The following MYO10 variants were observed in gnomAD, a reference collection of about 807,000 sequenced individuals.
MYO10 encodes myosin X.
In MYO10, 133 loss-of-function variants were observed where a neutral mutation model predicts 257.3. The observed-to-expected ratio is 0.52, with a 90% confidence interval of 0.45 to 0.60. The LOEUF (loss-of-function observed/expected upper bound fraction) is 0.60. MYO10 is among the 20% of genes least tolerant of loss of function. The pLI is 0.00. For missense variants in MYO10, 2,399 were observed against 2,635.7 expected (o/e 0.91, Z 1.97); for synonymous variants, 1,104 against 1,028.6 (o/e 1.07, Z -1.40).
chr5:16,864,416 ACAT>A (rs1355230722), intron 2 of MYO10, among the ~76,000 whole-genome samples: 7 of 152,126 alleles, frequency 4.6e-5, no homozygotes, highest in African/African-American at 1.7e-4. Context: ...TAACACACAC[ACAT>A]GATACAGGTG....
intron 2 of MYO10, among the ~76,000 whole-genome samples, chr5:16,857,680 G>A (rs1179673068): frequency 6.6e-6 from 1 of 152,196 alleles, no homozygotes; most frequent in Admixed American, 6.5e-5. Flanking sequence ...TGCCCCACAG[G>A]TAGCAAGAAA....
chr5:16,837,193 C>T (rs1428555706), intron 2 of MYO10, among the ~76,000 whole-genome samples: 1 of 151,964 alleles, frequency 6.6e-6, no homozygotes, highest in African/African-American at 2.4e-5. Flanking sequence ...GCCTGTAATC[C>T]CAGCTACTTG....
chr5:16,855,329 C>T (rs1351532858), intron 2 of MYO10, among the ~76,000 whole-genome samples: 1 of 152,128 alleles, frequency 6.6e-6, no homozygotes, highest in Non-Finnish European at 1.5e-5. Context: ...ATCCAAAATT[C>T]AGGGAGTGGA....
intron 39 of MYO10, among the ~76,000 whole-genome samples, 194 bp downstream of exon 39, chr5:16,670,332 G>C (rs1158877440): frequency 2.6e-5 from 4 of 152,102 alleles, no homozygotes; most frequent in Non-Finnish European, 4.4e-5. Flanking sequence ...TATTACAGAT[G>C]TGTTTACTAC....
At chr5:16,858,426 T>C (rs1744023239) in intron 2 of MYO10, among the ~76,000 whole-genome samples, 1 of 140,482 alleles carries the variant, frequency 7.1e-6, no homozygotes, top group Admixed American at 7.1e-5. Flanking sequence ...TCAAAAAAGC[T>C]AGATGCTACT....
rs66785094 is a variant in MYO10, at chr5:16,663,552, CTT to C, written c.*3138_*3139del. On this transcript the variant is annotated 3_prime_UTR_variant, in exon 41 of 41. Coordinates refer to ENST00000513610, the MANE Select transcript of MYO10 (RefSeq NM_012334.3). ...CACAGATAGAAAATATTTGAAAAAACTTTTTTTGGTGGGGCACAGTGGCTCAC... is the reference window on the plus strand; with the variant it reads ...CACAGATAGAAAATATTTGAAAAAACTTTTTGGTGGGGCACAGTGGCTCAC... The C allele has an allele frequency of 4.6e-5, 7 of 151,166 alleles. No homozygotes were observed. Among genetic ancestry groups the C allele is most frequent in the Admixed American group, 4.0e-4 (6 of 15,184 alleles). The allele number at this position is 151,166 out of a possible 1,614,324, so 9.4% of individuals were successfully genotyped here.
At chr5:16,712,082 G>GT (rs1474952422) in intron 19 of MYO10, among the ~76,000 whole-genome samples, 1 of 144,980 alleles carries the variant, frequency 6.9e-6, no homozygotes, top group African/African-American at 2.6e-5. Flanking sequence ...TTGGTGATGG[G>GT]TGGATACCCA....
chr5:16,906,605 A>G (rs1745525983), intron 1 of MYO10, among the ~76,000 whole-genome samples: 1 of 152,192 alleles, frequency 6.6e-6, no homozygotes, highest in Non-Finnish European at 1.5e-5. Flanking sequence ...AGAAGCCAGC[A>G]TGGCCAAAAC....
intron 19 of MYO10, among the ~76,000 whole-genome samples, chr5:16,748,103 T>G (rs1029159901): frequency 2.6e-5 from 4 of 152,294 alleles, no homozygotes; most frequent in African/African-American, 9.6e-5. Context: ...CAGGTCTCAC[T>G]GTGTTGCACA....
intron 2 of MYO10, among the ~76,000 whole-genome samples, chr5:16,865,533 A>T (rs1744219692): frequency 6.6e-6 from 1 of 152,180 alleles, no homozygotes; most frequent in African/African-American, 2.4e-5. Flanking sequence ...AAAGCAGTTT[A>T]AAAATAAATT....
intron 28 of MYO10, among the ~76,000 whole-genome samples, chr5:16,686,806 C>T (rs58619409): frequency 0.29 from 43,641 of 152,030 alleles, 6,443 homozygotes; most frequent in South Asian, 0.37. Context: ...GGATTACAGG[C>T]ATGAGCCATT....
chr5:16,743,138 A>G (rs1740072303), intron 19 of MYO10, among the ~76,000 whole-genome samples: 1 of 152,160 alleles, frequency 6.6e-6, no homozygotes, highest in South Asian at 2.1e-4. Context: ...AACACCAGGA[A>G]GGATTATGGA....
chr5:16,781,932 C>T (rs922126535), intron 5 of MYO10, 103 bp from the exon 6 acceptor site: 7 of 1,416,004 alleles, frequency 4.9e-6, no homozygotes, highest in African/African-American at 4.3e-5. Flanking sequence ...CAAGAAAAAT[C>T]TGAAACCAAA....
At chr5:16,822,469 CTA>C (rs958777013) in intron 2 of MYO10, among the ~76,000 whole-genome samples, 2 of 151,992 alleles carry the variant, frequency 1.3e-5, no homozygotes, top group African/African-American at 2.4e-5. Context: ...GTGATGGAGT[CTA>C]TGAAACGTAA....
At chr5:16,912,280 T>G (rs1745679422) in intron 1 of MYO10, among the ~76,000 whole-genome samples, 1 of 152,120 alleles carries the variant, frequency 6.6e-6, no homozygotes, top group Non-Finnish European at 1.5e-5. Flanking sequence ...ATTGCAACAT[T>G]TCACAGAAAT....
intron 2 of MYO10, among the ~76,000 whole-genome samples, chr5:16,832,021 C>T (rs1406802386): frequency 4.6e-5 from 7 of 152,154 alleles, no homozygotes; most frequent in East Asian, 1.9e-4. Flanking sequence ...CAGCTCACCG[C>T]GGCCTCCACC....
Position 16,873,293 on chromosome 5 carries a change from C to G in MYO10, c.120+4316G>C, listed in dbSNP as rs143321350. ...AATTTTAAAGCTCCACAATTATCTC[C>G]TTTGACTCCAGGTCTCACATCCAGG... On this transcript the variant is annotated intron_variant, in intron 2 of 40. Transcript: ENST00000513610. Among the ~76,000 whole-genome samples the G allele has an allele frequency of 4.0e-3, 611 of 152,336 alleles. 2 individuals carry two copies. The highest frequency in any genetic ancestry group is 0.014 in the African/African-American group (566 of 41,584).
intron 19 of MYO10, among the ~76,000 whole-genome samples, chr5:16,712,441 C>A (rs565633529): frequency 2.5e-4 from 38 of 152,100 alleles, no homozygotes; most frequent in Non-Finnish European, 4.3e-4. Context: ...TTCAGTCCAC[C>A]CACCCGTGTT....
At chr5:16,842,015 G>T (rs997011983) in intron 2 of MYO10, among the ~76,000 whole-genome samples, 5 of 135,350 alleles carry the variant, frequency 3.7e-5, no homozygotes, top group Non-Finnish European at 7.9e-5. Context: ...GGGTGGGGGG[G>T]CTTGGTGGGG....
Sources: allele counts gnomAD v4.1 joint callset (sites outside exome capture counted in the v4.1 genomes callset), GRCh38; gene constraint gnomAD v4.1.1; transcripts MANE v1.5; gene names NCBI Gene and HGNC (gene_info 2026-07-23, HGNC 2026-07-21).